The following FIGNL2 variants were observed in gnomAD, a reference collection of about 807,000 sequenced individuals.
FIGNL2 encodes fidgetin-like protein 2.
For synonymous variants in FIGNL2, 565 were observed against 484.0 expected, an observed-to-expected ratio of 1.17 and a Z score of -2.20; for missense variants, 1,060 against 950.2, an observed-to-expected ratio of 1.12 and a Z score of -1.52.
chr12:51,822,028 A>T lies in FIGNL2; in HGVS notation c.386T>A (p.Leu129Gln). Residue 129 changes from leucine (L) to glutamine (Q), a missense_variant, in exon 2 of 2, where the codon CTG (leucine) becomes CAG (glutamine). Transcript: ENST00000618634. The stretch of plus-strand genomic sequence containing the variant: ...CCCGGCTAAAACTGGGGAGCCCCCC[A>T]GGGCCCCGGAACCGCCGCCACCGCC... ...KSGGGGGSGALGGSPVLAGNL... is the reference protein window; with the variant it reads ...KSGGGGGSGAQGGSPVLAGNL... 6.2e-7 allele frequency: 1 copy of T among 1,604,106 alleles called. No individual in the cohort carries two copies. Among genetic ancestry groups the T allele is most frequent in the Non-Finnish European group, 8.5e-7 (1 of 1,176,060 alleles).
In FIGNL2 at chr12:51,819,712, A is replaced by C. The variant is rs1939124357; in HGVS notation, c.*740T>G. ...ATATGAAACAAGCTACATTTCTGGG[A>C]TCTCCCCTCAAAAACAAACAAAAAA... is the stretch of plus-strand genomic sequence containing the variant. On this transcript the variant is annotated 3_prime_UTR_variant, in exon 2 of 2. Coordinates refer to ENST00000618634, the MANE Select transcript of FIGNL2 (RefSeq NM_001384995.1). The C allele has an allele frequency of 6.6e-6, 1 of 152,618 alleles. No individual in the cohort carries two copies. The highest frequency in any genetic ancestry group is 2.4e-5 in the African/African-American group (1 of 41,466). 9.5% of individuals were successfully genotyped at this position (152,618 alleles called of 1,614,324 possible).
chr12:51,825,732 T>C (rs1939328207), intron 1 of FIGNL2: 1 of 151,482 alleles, frequency 6.6e-6, no homozygotes. Flanking sequence ...TTCTCCTGCC[T>C]CAGCCTCCCG....
intron 1 of FIGNL2, among the ~76,000 whole-genome samples, chr12:51,834,280 A>G (rs1939542165): frequency 6.6e-6 from 1 of 151,776 alleles, no homozygotes; most frequent in Non-Finnish European, 1.5e-5. Context: ...AGGGGAGGGG[A>G]GTCCAGAAGG....
intron 1 of FIGNL2, among the ~76,000 whole-genome samples, chr12:51,844,180 C>T (rs775621979): frequency 2.6e-5 from 4 of 152,090 alleles, no homozygotes; most frequent in African/African-American, 9.7e-5. Context: ...GTCACTTGTC[C>T]GGAGTTACAT....
chr12:51,838,774 T>TG (rs564417518), intron 1 of FIGNL2, among the ~76,000 whole-genome samples: 54 of 151,816 alleles, frequency 3.6e-4, no homozygotes, highest in African/African-American at 6.5e-4. Context: ...GGGAAAGAGG[T>TG]GGGGGGGCTG....
rs564906156 is a variant in FIGNL2, at chr12:51,827,977, C to T, written c.-11-5553G>A. 8.1e-4 allele frequency among the ~76,000 whole-genome samples: 124 copies of T among 152,312 alleles called. 1 individual carries two copies. The highest frequency in any genetic ancestry group is 1.6e-3 in the Non-Finnish European group (109 of 68,024). ...CAGAGTGGAGACAGGACTCAAAGCC[C>T]AGGCCCTGAACCACTTGCCTATAAG... On this transcript the variant is annotated intron_variant, in intron 1 of 1. Coordinates refer to ENST00000618634, the MANE Select transcript of FIGNL2 (RefSeq NM_001384995.1).
intron 1 of FIGNL2, chr12:51,846,954 T>A: frequency 1.0e-6 from 1 of 972,742 alleles, no homozygotes; most frequent in Non-Finnish European, 1.2e-6. Context: ...TTACGAGGCC[T>A]GTCACCCGTC....
intron 1 of FIGNL2, among the ~76,000 whole-genome samples, chr12:51,833,971 GGACA>G (rs1939522221): frequency 6.7e-6 from 1 of 148,484 alleles, no homozygotes; most frequent in Non-Finnish European, 1.5e-5. Flanking sequence ...ATGGATGAAT[GGACA>G]GACAAATGGA....
Position 51,820,451 on chromosome 12 carries a change from G to C in FIGNL2, c.*1C>G. ...GCTCCCGCGGCCTCCCCCGCGCGCC[G>C]TCAGTGTCCGGAGCCGTACATTTTG... On this transcript the variant is annotated 3_prime_UTR_variant, in exon 2 of 2. Coordinates refer to ENST00000618634, the MANE Select transcript of FIGNL2 (RefSeq NM_001384995.1). 5 of 1,586,398 alleles carry C rather than the reference G, an allele frequency of 3.2e-6. No homozygotes were observed. Among genetic ancestry groups the C allele is most frequent in the Non-Finnish European group, 4.3e-6 (5 of 1,174,378 alleles).
intron 1 of FIGNL2, among the ~76,000 whole-genome samples, chr12:51,843,712 C>T (rs1939699095): frequency 6.6e-6 from 1 of 152,136 alleles, no homozygotes; most frequent in Non-Finnish European, 1.5e-5. Context: ...GGCATCCATG[C>T]TGCCTCTCCT....
chr12:51,848,144 C>T (rs1939791993), intron 1 of FIGNL2: 1 of 985,240 alleles, frequency 1.0e-6, no homozygotes, highest in African/African-American at 1.7e-5. Flanking sequence ...GCCTGCGGGC[C>T]GGCCCTCGGG....
intron 1 of FIGNL2, chr12:51,848,225 C>T: frequency 2.0e-6 from 2 of 983,776 alleles, no homozygotes; most frequent in Non-Finnish European, 2.4e-6. Context: ...CCAGCAGACG[C>T]CCCCGAGCCG....
intron 1 of FIGNL2, chr12:51,838,021 CCTT>C (rs1592194106): frequency 1.3e-5 from 2 of 152,272 alleles, no homozygotes; most frequent in Admixed American, 6.5e-5. Context: ...GGCTGATTCT[CCTT>C]CTCCTTCCCA....
intron 1 of FIGNL2, among the ~76,000 whole-genome samples, chr12:51,822,761 T>C (rs1187407964): frequency 6.6e-6 from 1 of 152,228 alleles, no homozygotes; most frequent in Non-Finnish European, 1.5e-5. Context: ...CCTTACTTTC[T>C]ATGAAGGATC....
intron 1 of FIGNL2, 142 bp from the exon 2 acceptor site, chr12:51,822,566 TG>T (rs1939246885): frequency 3.5e-6 from 3 of 862,652 alleles, no homozygotes; most frequent in Non-Finnish European, 5.5e-6. Flanking sequence ...CCCACTCTCT[TG>T]GGGCCCTCCC....
chr12:51,826,618 G>T (rs937605834), intron 1 of FIGNL2, among the ~76,000 whole-genome samples: 1 of 140,614 alleles, frequency 7.1e-6, no homozygotes, highest in Non-Finnish European at 1.5e-5. Context: ...CAGCCTGGGC[G>T]ATAAGAGCGA....
chr12:51,848,574 G>A lies in FIGNL2; in HGVS notation c.-46C>T, dbSNP rs1313393904. 1.7e-5 allele frequency: 17 copies of A among 982,944 alleles called. No homozygotes were observed. The highest frequency in any genetic ancestry group is 2.1e-5 in the Non-Finnish European group (17 of 828,436). The allele number at this position is 982,944 out of a possible 1,614,324, so 60.9% of individuals were successfully genotyped here. ...ACGGCCGGGTCCTAGGTGAGTGTGC[G>A]CGGCCTGGGGGCGCGTCCGGCCCGG... On this transcript the variant is annotated 5_prime_UTR_variant, in exon 1 of 2. Coordinates refer to ENST00000618634, the MANE Select transcript of FIGNL2 (RefSeq NM_001384995.1).
At chr12:51,830,493 G>GT (rs1279826960) in intron 1 of FIGNL2, among the ~76,000 whole-genome samples, 16,662 of 83,042 alleles carry the variant, frequency 0.2, 1,368 homozygotes, top group East Asian at 0.4. Context: ...ATATTGAGTT[G>GT]TTTTTTTTTT....
rs1555234024 is a variant in FIGNL2 at position 51,834,097 on chromosome 12, G to GTGGATGGTTGGA, written c.-11-11674_-11-11673insTCCAACCATCCA. Among the ~76,000 whole-genome samples the GTGGATGGTTGGA allele has an allele frequency of 3.7e-4, 33 of 88,070 alleles. 3 individuals carry two copies. The South Asian group carries it at 4.6e-3, about 12-fold the overall frequency. The allele number at this position is 88,070 out of a possible 152,430, so 57.8% of individuals were successfully genotyped here. A position where few individuals can be genotyped will look rare whatever the true frequency, so the allele number is the denominator to read the frequency against. Reference sequence around the variant, plus strand: ...GATGAATAGACAGACAGACGGATGGGTGGATGGATGGTTGGATGGATGGAT... The same window carrying GTGGATGGTTGGA: ...GATGAATAGACAGACAGACGGATGGGTGGATGGTTGGATGGATGGATGGTTGGATGGATGGAT... On this transcript the variant is annotated intron_variant, in intron 1 of 1. Transcript: ENST00000618634.
Sources: gnomAD v4.1 joint callset for allele counts (sites outside exome capture counted in the v4.1 genomes callset) on GRCh38, gnomAD v4.1.1 for gene constraint, MANE v1.5 for transcripts, NCBI Gene and HGNC (gene_info 2026-07-23, HGNC 2026-07-21) for gene names.